CHRM3: variants seen among roughly 807,000 people sequenced by gnomAD.
CHRM3 encodes muscarinic acetylcholine receptor M3.
A neutral mutation model predicts 41.8 loss-of-function variants in CHRM3; 11 were observed. The ratio of observed to expected loss-of-function variants is 0.26; its 90% CI spans 0.17 to 0.44. CHRM3 has a LOEUF of 0.44. Among genes scored for constraint, CHRM3 ranks in the 20% least tolerant of loss-of-function variants. CHRM3 has a pLI of 1.00. For synonymous variants in CHRM3, 297 were observed against 301.4 expected (o/e 0.99, Z 0.15); for missense variants, 571 against 745.4 (o/e 0.77, Z 2.72).
intron 2 of CHRM3, among the ~76,000 whole-genome samples, chr1:239,529,189 A>C (rs1368505321): frequency 6.6e-6 from 1 of 152,246 alleles, no homozygotes; most frequent in Non-Finnish European, 1.5e-5. Context: ...GAGGTGATAC[A>C]TCACACCATA....
intron 3 of CHRM3, among the ~76,000 whole-genome samples, chr1:239,558,927 G>T (rs1660620441): frequency 6.6e-6 from 1 of 152,004 alleles, no homozygotes; most frequent in African/African-American, 2.4e-5. Context: ...ATTTTCCTTT[G>T]TTACCCTAGA....
intron 1 of CHRM3, among the ~76,000 whole-genome samples, chr1:239,388,449 A>G (rs1282815319): frequency 6.6e-6 from 1 of 152,156 alleles, no homozygotes; most frequent in Non-Finnish European, 1.5e-5. Flanking sequence ...ATAATTTTTA[A>G]CTGGGTGCAG....
chr1:239,765,310 C>T (rs746406423), intron 5 of CHRM3, among the ~76,000 whole-genome samples: 7 of 152,170 alleles, frequency 4.6e-5, no homozygotes, highest in Non-Finnish European at 4.4e-5. Context: ...TCATAGCAAA[C>T]GCTGGGGTCC....
At chr1:239,820,950 T>C (rs982419127) in intron 5 of CHRM3, among the ~76,000 whole-genome samples, 5 of 152,164 alleles carry the variant, frequency 3.3e-5, no homozygotes, top group Non-Finnish European at 7.4e-5. Context: ...AATATGGGCA[T>C]TGAGTGAAAT....
At chr1:239,869,924 T>A (rs1676436020) in intron 6 of CHRM3, among the ~76,000 whole-genome samples, 1 of 152,178 alleles carries the variant, frequency 6.6e-6, no homozygotes, top group African/African-American at 2.4e-5. Context: ...AGTGATCATT[T>A]GGAGTTACTT....
intron 6 of CHRM3, among the ~76,000 whole-genome samples, chr1:239,878,211 C>T (rs1677283098): frequency 6.6e-6 from 1 of 151,656 alleles, no homozygotes; most frequent in African/African-American, 2.4e-5. Flanking sequence ...TACAATTCAC[C>T]ATAATGTAGA....
At chr1:239,844,986 A>G (rs1290443929) in intron 6 of CHRM3, among the ~76,000 whole-genome samples, 1 of 152,156 alleles carries the variant, frequency 6.6e-6, no homozygotes, top group African/African-American at 2.4e-5. Flanking sequence ...TTTTTTTCCA[A>G]CTGCCAGATG....
At chr1:239,559,963 A>C (rs1660709945) in intron 3 of CHRM3, among the ~76,000 whole-genome samples, 1 of 152,210 alleles carries the variant, frequency 6.6e-6, no homozygotes, top group Non-Finnish European at 1.5e-5. Flanking sequence ...GTCACATTGC[A>C]ATTTTTCAAA....
rs564238704 is a variant in CHRM3, at chr1:239,440,751, T to G, written c.-520-51958T>G. On this transcript the variant is annotated intron_variant, in intron 1 of 6. Transcript: ENST00000676153. ...CAGAGAACAGGTCTGAGTGCTCTGT[T>G]GTTCTTCAGCCAATTAACAAATGTA... Among the ~76,000 whole-genome samples, 5 of 152,348 alleles carry G rather than the reference T, an allele frequency of 3.3e-5. No homozygotes were observed. In the East Asian group the frequency reaches 9.6e-4, roughly 29 times the overall value.
At chr1:239,666,360 AT>A (rs34849546) in intron 4 of CHRM3, among the ~76,000 whole-genome samples, 6 of 149,076 alleles carry the variant, frequency 4.0e-5, no homozygotes, top group East Asian at 2.0e-4. Context: ...ACACCCAGCA[AT>A]TTTTTTTTTT....
At chr1:239,825,714 T>C (rs1443512023) in intron 5 of CHRM3, among the ~76,000 whole-genome samples, 1 of 152,128 alleles carries the variant, frequency 6.6e-6, no homozygotes, top group East Asian at 1.9e-4. Flanking sequence ...AGGAAATTCT[T>C]TTTATTTTTT....
At chr1:239,733,586 G>A (rs1664152090) in intron 5 of CHRM3, among the ~76,000 whole-genome samples, 1 of 152,026 alleles carries the variant, frequency 6.6e-6, no homozygotes, top group Non-Finnish European at 1.5e-5. Flanking sequence ...CTCTGGAGAT[G>A]CATATAGAGG....
intron 4 of CHRM3, among the ~76,000 whole-genome samples, chr1:239,638,861 T>A (rs1394433622): frequency 2.2e-4 from 33 of 151,908 alleles, no homozygotes; most frequent in Non-Finnish European, 4.3e-4. Flanking sequence ...TGAATGGTAA[T>A]GCCTAGGTTT....
intron 3 of CHRM3, among the ~76,000 whole-genome samples, chr1:239,610,607 G>A (rs1287884353): frequency 6.6e-6 from 1 of 152,114 alleles, no homozygotes; most frequent in African/African-American, 2.4e-5. Flanking sequence ...TGTGTATTGT[G>A]ATCCCTTTTT....
At chr1:239,549,677 A>AG (rs1243360745) in intron 3 of CHRM3, among the ~76,000 whole-genome samples, 2 of 149,542 alleles carry the variant, frequency 1.3e-5, no homozygotes, top group Non-Finnish European at 3.0e-5. Context: ...AAAAAAAAAA[A>AG]TGGAGTCTCC....
chr1:239,580,689 T>TATATATATATA, intron 3 of CHRM3, among the ~76,000 whole-genome samples: 1 of 65,150 alleles, frequency 1.5e-5, no homozygotes, highest in Non-Finnish European at 4.1e-5. Flanking sequence ...TTGCCCAATT[T>TATATATATATA]TATATATATA....
rs1337752179 is a variant in CHRM3, at chr1:239,914,169, G to A, written c.*4945G>A. The A allele has an allele frequency of 6.0e-6, 1 of 167,034 alleles. No individual in the cohort carries two copies. Among genetic ancestry groups the A allele is most frequent in the Non-Finnish European group, 1.5e-5 (1 of 68,098 alleles). 10.3% of individuals were successfully genotyped at this position (167,034 alleles called of 1,614,324 possible). A position where few individuals can be genotyped will look rare whatever the true frequency, so the allele number is the denominator to read the frequency against. The stretch of plus-strand genomic sequence containing the variant: ...AAGCTTACTATTGTTCTTTCTTGGA[G>A]TCCAAAATGCTTAGCAGTTCTGCAG... On this transcript the variant is annotated 3_prime_UTR_variant, in exon 7 of 7. Coordinates refer to ENST00000676153, the MANE Select transcript of CHRM3 (RefSeq NM_001375978.1).
At chr1:239,881,282 CAAAAA>C (rs71567253) in intron 6 of CHRM3, among the ~76,000 whole-genome samples, 16 of 33,988 alleles carry the variant, frequency 4.7e-4, no homozygotes, top group East Asian at 1.2e-3. Context: ...GACTCCGTCT[CAAAAA>C]AAAAAAAAAA....
At chr1:239,836,065 C>A (rs1200790226) in intron 6 of CHRM3, among the ~76,000 whole-genome samples, 2 of 152,264 alleles carry the variant, frequency 1.3e-5, no homozygotes, top group African/African-American at 4.8e-5. Context: ...CAGCTGGCTG[C>A]AGATTCCAGC....
Sources: gnomAD v4.1 joint callset for allele counts (sites outside exome capture counted in the v4.1 genomes callset) on GRCh38, gnomAD v4.1.1 for gene constraint, MANE v1.5 for transcripts, NCBI Gene and HGNC (gene_info 2026-07-23, HGNC 2026-07-21) for gene names.